The following AIM2 variants were observed in gnomAD, a reference collection of about 807,000 sequenced individuals.
AIM2 encodes the protein interferon-inducible protein AIM2.
A neutral mutation model predicts 27.7 loss-of-function variants in AIM2; 30 were observed. That is an observed-to-expected ratio of 1.08 (90% CI 0.81 to 1.47). The LOEUF is 1.47. AIM2 is among the 40% of genes most tolerant of loss of function. The probability of loss-of-function intolerance (pLI) is 0.00; values close to 1 mark genes in which losing one functional copy is unlikely to be tolerated. For synonymous variants in AIM2, 141 were observed against 145.3 expected, an observed-to-expected ratio of 0.97 and a Z score of 0.21; for missense variants, 358 against 411.3, an observed-to-expected ratio of 0.87 and a Z score of 1.12.
At chr1:159,106,044 G>T (rs769395480) in intron 1 of AIM2, among the ~76,000 whole-genome samples, 80 of 152,302 alleles carry the variant, frequency 5.3e-4, no homozygotes, top group Admixed American at 7.8e-4. Flanking sequence ...GACAGTGCCT[G>T]GGCTCAGCTA....
chr1:159,123,087 G>T (rs1399441476), intron 1 of AIM2, among the ~76,000 whole-genome samples: 1 of 152,124 alleles, frequency 6.6e-6, no homozygotes, highest in Non-Finnish European at 1.5e-5. Flanking sequence ...TACACAAGTG[G>T]CTTCCTATTA....
At chr1:159,129,989 C>A (rs1553221786) in intron 1 of AIM2, among the ~76,000 whole-genome samples, 1 of 152,208 alleles carries the variant, frequency 6.6e-6, no homozygotes, top group Admixed American at 6.5e-5. Context: ...TCACTAATGT[C>A]CACTTCTGTC....
intron 1 of AIM2, among the ~76,000 whole-genome samples, chr1:159,108,657 A>G (rs1234975512): frequency 1.3e-5 from 2 of 152,202 alleles, no homozygotes. Flanking sequence ...AGACTCCTCC[A>G]GAAAGCTCCT....
chr1:159,092,761 C>A (rs551749601), intron 1 of AIM2, among the ~76,000 whole-genome samples: 2 of 152,262 alleles, frequency 1.3e-5, no homozygotes, highest in East Asian at 1.9e-4. Context: ...CACTGGCTCA[C>A]GCCTGTAATC....
At chr1:159,079,487 T>C (rs1386893062), upstream of AIM2, among the ~76,000 whole-genome samples, 1 of 152,210 alleles carries the variant, frequency 6.6e-6, no homozygotes, top group Non-Finnish European at 1.5e-5. Context: ...CCGAATTTGA[T>C]GAATGAGAAA....
chr1:159,068,528 T>C (rs370148396), intron 3 of AIM2, 40 bp downstream of exon 3: 26 of 1,557,288 alleles, frequency 1.7e-5, no homozygotes, highest in Non-Finnish European at 2.1e-5. Context: ...ACAGTGATGC[T>C]CTTACAAGGA....
chr1:159,096,999 A>G (rs571197297), intron 1 of AIM2, among the ~76,000 whole-genome samples: 7 of 152,224 alleles, frequency 4.6e-5, no homozygotes, highest in African/African-American at 1.7e-4. Context: ...CAAGGCACAG[A>G]AAATCTGGGA....
the AIM2 span, among the ~76,000 whole-genome samples, chr1:159,056,486 CA>C: frequency 1.3e-5 from 2 of 151,874 alleles, no homozygotes; most frequent in Non-Finnish European, 2.9e-5. Context: ...GCTGTTTCGG[CA>C]AAACAGCAGT....
chr1:159,061,286 T>TA (rs1174010642), downstream of AIM2, among the ~76,000 whole-genome samples: 2 of 152,208 alleles, frequency 1.3e-5, no homozygotes, highest in African/African-American at 4.8e-5. Flanking sequence ...AGTGTATTTT[T>TA]ATGTGCTTAT....
intron 1 of AIM2, among the ~76,000 whole-genome samples, chr1:159,074,340 C>T (rs855869): frequency 0.85 from 129,577 of 152,148 alleles, 57,224 homozygotes; most frequent in East Asian, 1. Context: ...GTATGTACTG[C>T]TTTGAGTTAA....
chr1:159,115,477 A>G (rs1647308249), intron 1 of AIM2, among the ~76,000 whole-genome samples: 1 of 152,192 alleles, frequency 6.6e-6, no homozygotes, highest in South Asian at 2.1e-4. Flanking sequence ...TACTGGTACA[A>G]AAACAGAGAT....
At chr1:159,069,834 C>T (rs1014516152) in intron 2 of AIM2, among the ~76,000 whole-genome samples, 3 of 152,164 alleles carry the variant, frequency 2.0e-5, no homozygotes, top group African/African-American at 4.8e-5. Flanking sequence ...TGAGCCACCG[C>T]GCCTGGCCAC....
At chr1:159,134,797 A>G (rs1647983584) in intron 1 of AIM2, among the ~76,000 whole-genome samples, 1 of 152,110 alleles carries the variant, frequency 6.6e-6, no homozygotes, top group South Asian at 2.1e-4. Flanking sequence ...GCGACATTGC[A>G]CTCCAGCCTG....
At chr1:159,130,836 ACAC>A (rs1647851332) in intron 1 of AIM2, among the ~76,000 whole-genome samples, 1 of 144,950 alleles carries the variant, frequency 6.9e-6, no homozygotes, top group African/African-American at 2.5e-5. Context: ...ACACACACAC[ACAC>A]ACACGCACGC....
At chr1:159,069,986 A>C (rs1656280182) in intron 2 of AIM2, among the ~76,000 whole-genome samples, 1 of 151,976 alleles carries the variant, frequency 6.6e-6, no homozygotes, top group South Asian at 2.1e-4. Flanking sequence ...TGTCAGAGGG[A>C]TTTTCACACA....
chr1:159,080,098 G>C (rs966247999), upstream of AIM2, among the ~76,000 whole-genome samples: 1 of 152,106 alleles, frequency 6.6e-6, no homozygotes, highest in Non-Finnish European at 1.5e-5. Context: ...GAACACGTTG[G>C]TTGCTTCCAA....
chr1:159,097,773 T>C (rs1286464419), intron 1 of AIM2, among the ~76,000 whole-genome samples: 1 of 152,194 alleles, frequency 6.6e-6, no homozygotes, highest in Non-Finnish European at 1.5e-5. Context: ...CGAATGCTTA[T>C]TATATGACAC....
chr1:159,084,655 C>A (rs1656858884), intron 1 of AIM2, among the ~76,000 whole-genome samples: 1 of 151,914 alleles, frequency 6.6e-6, no homozygotes, highest in South Asian at 2.1e-4. Context: ...TGCCTGTAGT[C>A]CCAATTACTT....
At position 159,087,358 on chromosome 1, in the gene AIM2, T is replaced by C. The variant is rs146344467; in HGVS notation, c.-15-21029A>G. ...AAAAAATGATCACCATGGCTGAGAC[T>C]AAGTTAACCTTTAAGTGTCAGTGGA... is the stretch of plus-strand genomic sequence containing the variant. On this transcript the variant is annotated intron_variant, in intron 1 of 2. Transcript: ENST00000368129. 5.4e-4 allele frequency among the ~76,000 whole-genome samples: 82 copies of C among 151,988 alleles called. 1 individual carries two copies. In the Middle Eastern group the frequency reaches 0.01, roughly 19 times the overall value.
Sources: gnomAD v4.1 joint callset for allele counts (sites outside exome capture counted in the v4.1 genomes callset) on GRCh38, gnomAD v4.1.1 for gene constraint, MANE v1.5 for transcripts, NCBI Gene and HGNC (gene_info 2026-07-23, HGNC 2026-07-21) for gene names.